The following VTA1 variants were observed in gnomAD, a reference collection of about 807,000 sequenced individuals.
VTA1 encodes vesicle trafficking 1, also known as vacuolar protein sorting-associated protein VTA1 homolog.
VTA1 carries 24 observed loss-of-function variants against 36.9 expected under a neutral mutation model. That is an observed-to-expected ratio of 0.65 (90% CI 0.47 to 0.91). VTA1 has a LOEUF of 0.91. VTA1 is among the 40% of genes least tolerant of loss of function. VTA1 has a pLI of 0.00. For missense variants in VTA1, 393 were observed against 377.2 expected, an observed-to-expected ratio of 1.04 and a Z score of -0.35; for synonymous variants, 142 against 130.2, an observed-to-expected ratio of 1.09 and a Z score of -0.62.
At chr6:142,173,699 A>G (rs1775067826) in intron 4 of VTA1, among the ~76,000 whole-genome samples, 1 of 152,214 alleles carries the variant, frequency 6.6e-6, no homozygotes, top group South Asian at 2.1e-4. Context: ...CACTTAAGGA[A>G]TATGTAACAC....
chr6:142,176,369 G>T (rs2114651651), intron 4 of VTA1, among the ~76,000 whole-genome samples: 1 of 152,260 alleles, frequency 6.6e-6, no homozygotes, highest in South Asian at 2.1e-4. Context: ...TTCTAACCTG[G>T]AAAGAGAAAC....
chr6:142,147,459 C>T (rs1185299255), intron 1 of VTA1, 60 bp downstream of exon 1: 1 of 1,510,548 alleles, frequency 6.6e-7, no homozygotes, highest in Non-Finnish European at 9.1e-7. Flanking sequence ...GGCCCACACA[C>T]CTCCCTGAGG....
chr6:142,219,607 CA>C lies in VTA1; in HGVS notation c.*967del, dbSNP rs1776065671. On this transcript the variant is annotated 3_prime_UTR_variant, in exon 8 of 8. Coordinates refer to ENST00000367630, the MANE Select transcript of VTA1 (RefSeq NM_016485.5). ...TTCGTTTAGCTAATTCAACTTACTA[CA>C]AAGACAAATGTCTGTTTTTATTTGC... The C allele has an allele frequency of 6.6e-6, 1 of 152,200 alleles. No homozygotes were observed. The highest frequency in any genetic ancestry group is 6.5e-5 in the Admixed American group (1 of 15,280). 9.4% of individuals were successfully genotyped at this position (152,200 alleles called of 1,614,324 possible).
intron 1 of VTA1, among the ~76,000 whole-genome samples, chr6:142,148,943 C>T (rs1490378191): frequency 6.6e-6 from 1 of 152,110 alleles, no homozygotes; most frequent in Non-Finnish European, 1.5e-5. Context: ...GGGATAAGGT[C>T]AAAGAATCTC....
chr6:142,208,177 T>C (rs1036353721), intron 7 of VTA1, among the ~76,000 whole-genome samples: 3 of 151,260 alleles, frequency 2.0e-5, no homozygotes, highest in African/African-American at 7.3e-5. Flanking sequence ...ATAACAATTT[T>C]AAGAAAACTC....
intron 1 of VTA1, among the ~76,000 whole-genome samples, chr6:142,153,769 T>A (rs1335127783): frequency 6.6e-6 from 1 of 152,098 alleles, no homozygotes; most frequent in African/African-American, 2.4e-5. Context: ...ATTTGAAACA[T>A]CCCTCCATTT....
At chr6:142,147,878 G>A (rs1778485589) in intron 1 of VTA1, among the ~76,000 whole-genome samples, 1 of 152,204 alleles carries the variant, frequency 6.6e-6, no homozygotes, top group Non-Finnish European at 1.5e-5. Flanking sequence ...TAAATGGGGA[G>A]TATCTGCTAC....
intron 4 of VTA1, among the ~76,000 whole-genome samples, chr6:142,180,973 G>A (rs940545088): frequency 2.7e-5 from 4 of 150,098 alleles, no homozygotes; most frequent in Non-Finnish European, 4.4e-5. Flanking sequence ...GGATCAGACT[G>A]TGTAACTATT....
intron 1 of VTA1, among the ~76,000 whole-genome samples, chr6:142,159,899 C>T (rs1379782290): frequency 6.6e-6 from 1 of 151,982 alleles, no homozygotes; most frequent in Non-Finnish European, 1.5e-5. Flanking sequence ...TCTTTAAATG[C>T]TTTCTATAGT....
At chr6:142,151,672 T>A (rs1021366804) in intron 1 of VTA1, among the ~76,000 whole-genome samples, 1 of 152,252 alleles carries the variant, frequency 6.6e-6, no homozygotes, top group African/African-American at 2.4e-5. Context: ...ACATTCTCTT[T>A]AAACTAAATG....
At chr6:142,207,152 T>C (rs1775810186) in intron 7 of VTA1, among the ~76,000 whole-genome samples, 1 of 152,060 alleles carries the variant, frequency 6.6e-6, no homozygotes, top group Non-Finnish European at 1.5e-5. Flanking sequence ...AAAACTCCAG[T>C]AGGAGAATCA....
chr6:142,161,154 A>G (rs1434433868), intron 1 of VTA1, among the ~76,000 whole-genome samples: 1 of 136,584 alleles, frequency 7.3e-6, no homozygotes, highest in African/African-American at 2.8e-5. Flanking sequence ...TATGTTTTGT[A>G]CAAAAACTGT....
intron 1 of VTA1, among the ~76,000 whole-genome samples, chr6:142,158,149 T>A (rs1778699071): frequency 1.3e-5 from 2 of 151,112 alleles, no homozygotes; most frequent in South Asian, 4.2e-4. Flanking sequence ...ATATATGGAG[T>A]TACATTTATT....
intron 1 of VTA1, among the ~76,000 whole-genome samples, chr6:142,152,627 A>T (rs957297423): frequency 1.3e-5 from 2 of 152,180 alleles, no homozygotes; most frequent in African/African-American, 4.8e-5. Flanking sequence ...AAAATGTGAT[A>T]AATATCAAGT....
intron 6 of VTA1, among the ~76,000 whole-genome samples, chr6:142,200,928 A>AT (rs1775671875): frequency 1.3e-5 from 2 of 151,956 alleles, no homozygotes; most frequent in South Asian, 4.1e-4. Flanking sequence ...CAACTATATT[A>AT]TGTATTACTG....
chr6:142,172,540 G>A (rs768390440), intron 4 of VTA1, among the ~76,000 whole-genome samples: 3 of 152,138 alleles, frequency 2.0e-5, no homozygotes, highest in Admixed American at 6.6e-5. Flanking sequence ...ACTGATACCC[G>A]GAGTGTGAAA....
intron 1 of VTA1, among the ~76,000 whole-genome samples, chr6:142,150,623 A>G (rs1210424470): frequency 6.6e-6 from 1 of 152,212 alleles, no homozygotes; most frequent in Non-Finnish European, 1.5e-5. Context: ...TCCATTAATT[A>G]AGGCATTGGA....
chr6:142,201,054 T>C (rs225683), intron 6 of VTA1, among the ~76,000 whole-genome samples: 65,162 of 151,660 alleles, frequency 0.43, 14,994 homozygotes, highest in Middle Eastern at 0.56. Flanking sequence ...GTTTTAGCCA[T>C]GTGCCTTCTA....
intron 4 of VTA1, among the ~76,000 whole-genome samples, chr6:142,178,858 T>C (rs1775173413): frequency 6.6e-6 from 1 of 152,030 alleles, no homozygotes; most frequent in African/African-American, 2.4e-5. Flanking sequence ...TTCTAAGAGA[T>C]ACTGTTCAAA....
Sources: allele counts gnomAD v4.1 joint callset (sites outside exome capture counted in the v4.1 genomes callset), GRCh38; gene constraint gnomAD v4.1.1; transcripts MANE v1.5; gene names NCBI Gene and HGNC (gene_info 2026-07-23, HGNC 2026-07-21).